ABTB2: variants seen among roughly 807,000 people sequenced by gnomAD.
ABTB2 encodes ankyrin repeat and BTB/POZ domain-containing protein 2.
In ABTB2, 56 loss-of-function variants were observed where a neutral mutation model predicts 104.1. The observed-to-expected ratio is 0.54, with a 90% CI of 0.43 to 0.67. ABTB2 has a LOEUF of 0.67. Among genes scored for constraint, ABTB2 ranks in the 30% least tolerant of loss-of-function variants. ABTB2 has a pLI of 0.00. For synonymous variants in ABTB2, 606 were observed against 608.2 expected, an observed-to-expected ratio of 1.00 and a Z score of 0.05; for missense variants, 1,279 against 1,407.7, an observed-to-expected ratio of 0.91 and a Z score of 1.46.
intron 1 of ABTB2, among the ~76,000 whole-genome samples, chr11:34,225,801 G>A (rs953437431): frequency 6.6e-6 from 1 of 152,014 alleles, no homozygotes; most frequent in African/African-American, 2.4e-5. Flanking sequence ...CTGGTGGGGT[G>A]GGCAGAGAAA....
intron 1 of ABTB2, among the ~76,000 whole-genome samples, chr11:34,247,702 A>G (rs1854002367): frequency 6.6e-6 from 1 of 152,252 alleles, no homozygotes; most frequent in South Asian, 2.1e-4. Flanking sequence ...ATCTTAGCAA[A>G]CCAATGACAC....
intron 2 of ABTB2, among the ~76,000 whole-genome samples, chr11:34,204,022 A>T (rs1263832756): frequency 6.6e-6 from 1 of 152,234 alleles, no homozygotes; most frequent in Non-Finnish European, 1.5e-5. Flanking sequence ...AGCCACATCA[A>T]GTTCCAAGTG....
At chr11:34,210,939 T>A (rs1207389629) in intron 1 of ABTB2, among the ~76,000 whole-genome samples, 1 of 152,200 alleles carries the variant, frequency 6.6e-6, no homozygotes, top group Admixed American at 6.5e-5. Context: ...CCAACCCCTT[T>A]TTAAAATTTT....
chr11:34,198,681 C>T (rs1171002540), intron 2 of ABTB2, among the ~76,000 whole-genome samples: 1 of 152,138 alleles, frequency 6.6e-6, no homozygotes, highest in Non-Finnish European at 1.5e-5. Context: ...TCTGTGGGAT[C>T]CTTAGGTCCC....
Position 34,170,990 on chromosome 11 carries a change from G to A in ABTB2, c.1479C>T (p.Arg493=). Residue 493 remains arginine, a synonymous_variant, in exon 5 of 17, where the codon CGC becomes CGT. Transcript: ENST00000435224. ...TEKFNQDLGF[R]MLNCGRTDLI... The stretch of plus-strand genomic sequence containing the variant: ...GGTCCGTCCTCCCACAGTTGAGCAT[G>A]CGGAAACCCAGGTCCTGGTTGAATT... 2 of 1,614,176 alleles carry A rather than the reference G, an allele frequency of 1.2e-6. No homozygotes were observed. Among genetic ancestry groups the A allele is most frequent in the Non-Finnish European group, 1.7e-6 (2 of 1,180,038 alleles).
intron 1 of ABTB2, among the ~76,000 whole-genome samples, chr11:34,312,741 C>A (rs1298383795): frequency 3.9e-5 from 6 of 152,268 alleles, no homozygotes; most frequent in Non-Finnish European, 5.9e-5. Flanking sequence ...CACTCTGTCA[C>A]CCAGTTTGGA....
At chr11:34,318,914 A>G (rs1018056078) in intron 1 of ABTB2, among the ~76,000 whole-genome samples, 4 of 152,202 alleles carry the variant, frequency 2.6e-5, no homozygotes, top group African/African-American at 9.7e-5. Flanking sequence ...GTGTCATCTC[A>G]GGGCTAAGGA....
At chr11:34,203,522 G>A (rs1310606711) in intron 2 of ABTB2, among the ~76,000 whole-genome samples, 1 of 152,154 alleles carries the variant, frequency 6.6e-6, no homozygotes, top group Non-Finnish European at 1.5e-5. Context: ...ACTTCCTGTG[G>A]GGCCCCTCAG....
chr11:34,193,278 T>G (rs1477483202), intron 3 of ABTB2, among the ~76,000 whole-genome samples: 1 of 152,232 alleles, frequency 6.6e-6, no homozygotes, highest in African/African-American at 2.4e-5. Context: ...GCCTTGTGCC[T>G]GGCTGGTGCC....
Position 34,357,440 on chromosome 11 carries a change from C to T in ABTB2, c.144G>A (p.Gln48=). ...AGCACCACCAGGCCGCCCCGCGGTG[C>T]TGCTGCGCCGAAGAGTTGAGCGCCT... The part of the protein sequence containing the change: ...NSQALNSSAQ[Q]HRGAAWWCYS... Residue 48 remains glutamine (Q), a synonymous_variant, in exon 1 of 17, where the codon CAG becomes CAA. Coordinates refer to ENST00000435224, the MANE Select transcript of ABTB2 (RefSeq NM_145804.3). The T allele has an allele frequency of 1.3e-6, 2 of 1,548,698 alleles. No homozygotes were observed. Among genetic ancestry groups the T allele is most frequent in the East Asian group, 4.9e-5 (2 of 40,904 alleles).
At chr11:34,157,138 T>TG (rs1812807222) in intron 14 of ABTB2, among the ~76,000 whole-genome samples, 1 of 152,330 alleles carries the variant, frequency 6.6e-6, no homozygotes, top group African/African-American at 2.4e-5. Flanking sequence ...CCCAGACTGA[T>TG]GGCTTCAGGC....
chr11:34,224,418 C>T (rs995214709), intron 1 of ABTB2, among the ~76,000 whole-genome samples: 1 of 152,200 alleles, frequency 6.6e-6, no homozygotes, highest in Non-Finnish European at 1.5e-5. Flanking sequence ...GTTGAGATTA[C>T]AGGCGTGGTG....
intron 1 of ABTB2, among the ~76,000 whole-genome samples, chr11:34,249,841 A>G (rs918213521): frequency 2.6e-5 from 4 of 152,264 alleles, no homozygotes; most frequent in Non-Finnish European, 2.9e-5. Context: ...TCACTCTATA[A>G]CATCAGGAGG....
intron 1 of ABTB2, among the ~76,000 whole-genome samples, chr11:34,339,246 C>G (rs989315937): frequency 1.3e-5 from 2 of 152,134 alleles, no homozygotes; most frequent in Admixed American, 6.6e-5. Context: ...TCTAGAACAT[C>G]AATTTTTAAA....
chr11:34,344,419 G>A (rs138172659), intron 1 of ABTB2, among the ~76,000 whole-genome samples: 14 of 152,300 alleles, frequency 9.2e-5, no homozygotes, highest in African/African-American at 3.4e-4. Context: ...CCACCCTCTG[G>A]AAGGGCAAAG....
intron 1 of ABTB2, among the ~76,000 whole-genome samples, chr11:34,285,565 A>C (rs889270946): frequency 2.6e-5 from 4 of 152,186 alleles, no homozygotes; most frequent in Admixed American, 6.5e-5. Flanking sequence ...GTGCAATCTT[A>C]GGGAGGCCAG....
intron 7 of ABTB2, 145 bp downstream of exon 7, chr11:34,167,114 A>G (rs1554980275): frequency 2.9e-6 from 2 of 697,870 alleles, no homozygotes; most frequent in Non-Finnish European, 4.7e-6. Context: ...CTGCTGCTCT[A>G]TCGATCAGGT....
chr11:34,234,991 A>G (rs185122395), intron 1 of ABTB2, among the ~76,000 whole-genome samples: 12 of 152,168 alleles, frequency 7.9e-5, no homozygotes, highest in East Asian at 3.9e-4. Context: ...CCAAGTAGCT[A>G]GGACTATAGG....
chr11:34,258,618 T>C (rs1854153010), intron 1 of ABTB2, among the ~76,000 whole-genome samples: 1 of 149,290 alleles, frequency 6.7e-6, no homozygotes, highest in Non-Finnish European at 1.5e-5. Context: ...TTTTTTTTTT[T>C]TTTTTTTTTT....
Sources: gnomAD v4.1 joint callset for allele counts (sites outside exome capture counted in the v4.1 genomes callset) on GRCh38, gnomAD v4.1.1 for gene constraint, MANE v1.5 for transcripts, NCBI Gene and HGNC (gene_info 2026-07-23, HGNC 2026-07-21) for gene names.